The following BRD2 variants were observed in gnomAD, a reference collection of about 807,000 sequenced individuals.
BRD2 encodes the protein bromodomain-containing protein 2.
In BRD2, 15 loss-of-function variants were observed where a neutral mutation model predicts 79.1. That is an observed-to-expected ratio of 0.19 (90% CI 0.13 to 0.29). BRD2 has a LOEUF of 0.29. Among genes scored for constraint, BRD2 ranks in the 10% least tolerant of loss-of-function variants. BRD2 has a pLI of 1.00. For synonymous variants in BRD2, 488 were observed against 358.6 expected (o/e 1.36, Z -4.08); for missense variants, 1,053 against 991.3 (o/e 1.06, Z -0.84).
Position 32,972,082 on chromosome 6 carries a change from G to GA in BRD2, c.-816dup. 1.4e-6 allele frequency: 1 copy of GA among 696,450 alleles called. No individual in the cohort carries two copies. The highest frequency in any genetic ancestry group is 2.6e-6 in the Non-Finnish European group (1 of 382,020). 43.1% of individuals were successfully genotyped at this position (696,450 alleles called of 1,614,324 possible). A position where few individuals can be genotyped will look rare whatever the true frequency, so the allele number is the denominator to read the frequency against. On this transcript the variant is annotated 5_prime_UTR_variant, in exon 2 of 13. The change abolishes the stop of an existing upstream ORF in the 5' untranslated region. Transcript: ENST00000374825. ...TTCGACTCAGCTTCTTCACCCGCGT[G>GA]AGCGAGCGCGCGCGCGCGGAGGGGG... is the stretch of plus-strand genomic sequence containing the variant.
chr6:32,976,241 T>G lies in BRD2; in HGVS notation c.611-9T>G. ...GAGAATCAAACTACACTTTTTTCCTTTTTTCTAGCGCTCCAGGGCAGTGTT... is the reference window on the plus strand; with the variant it reads ...GAGAATCAAACTACACTTTTTTCCTGTTTTCTAGCGCTCCAGGGCAGTGTT... On this transcript the variant is annotated splice_polypyrimidine_tract_variant and intron_variant, in intron 5 of 12. Coordinates refer to ENST00000374825, the MANE Select transcript of BRD2 (RefSeq NM_005104.4). The G allele has an allele frequency of 3.1e-6, 5 of 1,611,274 alleles. No individual in the cohort carries two copies. Among genetic ancestry groups the G allele is most frequent in the Middle Eastern group, 1.7e-4 (1 of 6,056 alleles).
chr6:32,974,353 A>T, intron 2 of BRD2, 109 bp from the exon 3 acceptor site: 1 of 1,157,536 alleles, frequency 8.6e-7, no homozygotes. Flanking sequence ...ACTTGGCATA[A>T]GCTTAACCAC....
chr6:32,979,615 C>A, intron 10 of BRD2: 1 of 572,944 alleles, frequency 1.7e-6, no homozygotes, highest in Non-Finnish European at 3.0e-6. Flanking sequence ...CGTACATTGT[C>A]TTTTTAAAGA....
chr6:32,975,977 C>T (rs1462282084), intron 4 of BRD2, 54 bp from the exon 5 acceptor site: 2 of 1,552,230 alleles, frequency 1.3e-6, no homozygotes, highest in Non-Finnish European at 1.7e-6. Flanking sequence ...TGGTGTGTAT[C>T]TATCTTCTGT....
In BRD2 at chr6:32,978,155, T is replaced by A. The variant is rs528141662; in HGVS notation, c.1608T>A (p.Ala536=). 1.9e-6 allele frequency: 3 copies of A among 1,612,790 alleles called. No homozygotes were observed. The African/African-American group carries it at 4.0e-5, about 22-fold the overall frequency. Residue 536 remains alanine (A), a synonymous_variant, in exon 10 of 13, where the codon GCT becomes GCA. Transcript: ENST00000374825. The part of the protein sequence containing the change: ...QLRAVHEQLA[A]LSQGPISKPK... ...GGGCAGTACATGAACAACTGGCTGC[T>A]CTGTCCCAGGGTCCAATATCCAAGC...
Position 32,972,889 on chromosome 6 carries a change from T to G in BRD2, c.-10T>G, listed in dbSNP as rs373976120. On this transcript the variant is annotated 5_prime_UTR_variant, in exon 2 of 13. Transcript: ENST00000374825. ...GCGGCTGAGGGCAGCGCCGGTTCCT[T>G]GCGGTCAAGATGCTGCAAAACGTGA... The G allele has an allele frequency of 1.2e-6, 2 of 1,613,880 alleles. No individual in the cohort carries two copies. The highest frequency in any genetic ancestry group is 2.2e-5 in the South Asian group (2 of 91,086).
chr6:32,977,114 A>G, intron 7 of BRD2, 178 bp downstream of exon 7: 4 of 1,221,502 alleles, frequency 3.3e-6, no homozygotes, highest in Non-Finnish European at 4.5e-6. Flanking sequence ...TGGAGTTTGA[A>G]ACAGTAGGGT....
chr6:32,979,721 A>G, intron 10 of BRD2, 107 bp from the exon 11 acceptor site: 1 of 1,335,266 alleles, frequency 7.5e-7, no homozygotes, highest in Non-Finnish European at 1.0e-6. Flanking sequence ...ATGGAAAAAC[A>G]GAAGCTCCAC....
In BRD2 at chr6:32,972,742, G is replaced by A; in HGVS notation, c.-157G>A. 6.2e-6 allele frequency: 7 copies of A among 1,133,584 alleles called. No individual in the cohort carries two copies. The South Asian group carries it at 9.4e-5, about 15-fold the overall frequency. 70.2% of individuals were successfully genotyped at this position (1,133,584 alleles called of 1,614,324 possible). On this transcript the variant is annotated 5_prime_UTR_variant, in exon 2 of 13. Transcript: ENST00000374825. ...CTCTCCGAGAGGCCCCAAAGAGACT[G>A]CTTTCGTGCCGGCCAGGCAGGGGGT...
chr6:32,975,157 G>C, intron 3 of BRD2: 1 of 1,479,426 alleles, frequency 6.8e-7, no homozygotes, highest in Non-Finnish European at 9.1e-7. Context: ...TGGGAGGTGG[G>C]TGGTTAGAGA....
chr6:32,980,736 GGCAGGAAGGCTCC>G lies in BRD2; in HGVS notation c.*25_*37del. ...CAGGCTAAGGGGTCAGGCCAGATGG[GGCAGGAAGGCTCC>G]GCAGGACCGGACCCCTAGACCACCC... On this transcript the variant is annotated 3_prime_UTR_variant, in exon 13 of 13. Transcript: ENST00000374825. 2.5e-6 allele frequency: 4 copies of G among 1,612,006 alleles called. No homozygotes were observed. The highest frequency in any genetic ancestry group is 1.3e-5 in the African/African-American group (1 of 75,046).
chr6:32,976,711 G>A lies in BRD2; in HGVS notation c.975G>A (p.Lys325=). ...PMRRESGRPI[K]PPRKDLPDSQ... ...GTAGAGAGAGTGGTCGCCCCATCAA[G>A]CCCCCACGCAAAGACTTGCCTGACT... The change falls in exon 7 of 13, where the codon AAG becomes AAA. Residue 325 remains lysine, a synonymous_variant. Transcript: ENST00000374825. 3.1e-6 allele frequency: 5 copies of A among 1,612,796 alleles called. No individual in the cohort carries two copies. Among genetic ancestry groups the A allele is most frequent in the Non-Finnish European group, 3.4e-6 (4 of 1,179,892 alleles).
chr6:32,976,409 C>G lies in BRD2; in HGVS notation c.770C>G (p.Ala257Gly). Reference sequence around the variant, plus strand: ...CCACTTCTCAAGTCCTTGCACTCTGCTGGACCCCCGCTCCTTGCTGTTACT... The same window carrying G: ...CCACTTCTCAAGTCCTTGCACTCTGGTGGACCCCCGCTCCTTGCTGTTACT... ...SSPLLKSLHS[A>G]GPPLLAVTAA... Residue 257 changes from alanine to glycine, a missense_variant, in exon 6 of 13, where the codon GCT becomes GGT. Ala to Gly is a moderately conservative substitution (Grantham distance 60). Transcript: ENST00000374825. 6.2e-7 allele frequency: 1 copy of G among 1,612,640 alleles called. No individual in the cohort carries two copies. The highest frequency in any genetic ancestry group is 8.5e-7 in the Non-Finnish European group (1 of 1,180,046).
intron 10 of BRD2, chr6:32,979,071 TGTTTTG>T (rs765793480): frequency 2.1e-5 from 3 of 144,404 alleles, no homozygotes; most frequent in Non-Finnish European, 3.0e-5. Flanking sequence ...GTTTGTTTTT[TGTTTTG>T]TTTTTTTTAA....
chr6:32,980,496 G>C lies in BRD2; in HGVS notation c.2269+32G>C, dbSNP rs768957823. On this transcript the variant is annotated intron_variant, in intron 12 of 12. Transcript: ENST00000374825. Reference sequence around the variant, plus strand: ...ATATACTTTCATGCCACTACAGATTGACTCCATCCTGCCTTCTTGACTGTC... The same window carrying C: ...ATATACTTTCATGCCACTACAGATTCACTCCATCCTGCCTTCTTGACTGTC... The C allele has an allele frequency of 2.5e-6, 4 of 1,612,468 alleles. No homozygotes were observed. The African/African-American group carries it at 5.3e-5, about 22-fold the overall frequency.
At position 32,975,462 on chromosome 6, in the gene BRD2, G is replaced by A; in HGVS notation, c.412G>A (p.Ala138Thr). 6.2e-7 allele frequency: 1 copy of A among 1,612,742 alleles called. No homozygotes were observed. Among genetic ancestry groups the A allele is most frequent in the Non-Finnish European group, 8.5e-7 (1 of 1,179,810 alleles). ...ACTTGAAAACAATTATTATTGGGCT[G>A]CTTCAGAGTGTATGCAAGATTTTAA... ...RRLENNYYWA[A>T]SECMQDFNTM... is the part of the protein sequence containing the mutation. The change falls in exon 4 of 13, where the codon GCT becomes ACT. Residue 138 changes from alanine to threonine, a missense_variant. Ala to Thr is a moderately conservative substitution (Grantham distance 58). Around this residue, in one of 5 missense-constraint regions of BRD2, gnomAD observed 413 missense variants for 335.1 expected, o/e 1.23. Transcript: ENST00000374825.
At chr6:32,977,633 T>C in intron 8 of BRD2, 63 bp downstream of exon 8, 1 of 1,605,180 alleles carries the variant, frequency 6.2e-7, no homozygotes, top group East Asian at 2.2e-5. Flanking sequence ...TCATGTGTGC[T>C]GCATAGCCTC....
chr6:32,975,001 G>T (rs1324523816), intron 3 of BRD2: 2 of 1,522,592 alleles, frequency 1.3e-6, no homozygotes, highest in Non-Finnish European at 1.8e-6. Flanking sequence ...TAACTTTTGT[G>T]CCCTGGCTCC....
At chr6:32,973,758 A>G (rs888734719) in intron 2 of BRD2, among the ~76,000 whole-genome samples, 1 of 152,044 alleles carries the variant, frequency 6.6e-6, no homozygotes, top group Non-Finnish European at 1.5e-5. Context: ...ACTGTTTTGT[A>G]CGGCTTTTTG....
Sources: gnomAD v4.1 joint callset for allele counts (sites outside exome capture counted in the v4.1 genomes callset) on GRCh38, gnomAD v4.1.1 for gene constraint, gnomAD v4.1.1 regional missense constraint, MANE v1.5 for transcripts, NCBI Gene and HGNC (gene_info 2026-07-23, HGNC 2026-07-21) for gene names.